HS2ST1: variants seen among roughly 807,000 people sequenced by gnomAD.
The protein encoded by HS2ST1 is 2-O-sulfotransferase.
Under a neutral mutation model 42.9 loss-of-function variants are expected in HS2ST1, and 18 were observed. The observed-to-expected ratio is 0.42, with a 90% confidence interval of 0.29 to 0.62. HS2ST1 has a LOEUF of 0.62. Among genes scored for constraint, HS2ST1 ranks in the 20% least tolerant of loss-of-function variants. The pLI, the probability that HS2ST1 is intolerant of heterozygous loss-of-function variation, is 0.21. For synonymous variants in HS2ST1, 146 were observed against 152.9 expected, an observed-to-expected ratio of 0.95 and a Z score of 0.33; for missense variants, 334 against 433.8, an observed-to-expected ratio of 0.77 and a Z score of 2.04.
At chr1:87,013,072 A>G (rs12090617) in intron 1 of HS2ST1, among the ~76,000 whole-genome samples, 5,251 of 152,246 alleles carry the variant, frequency 0.034, 184 homozygotes, top group African/African-American at 0.088. Context: ...CAGGTGCACA[A>G]TGCAAGCTGT....
chr1:87,002,699 T>G (rs1053786816), intron 1 of HS2ST1, among the ~76,000 whole-genome samples: 1 of 152,292 alleles, frequency 6.6e-6, no homozygotes, highest in East Asian at 1.9e-4. Flanking sequence ...AAAGTCTATT[T>G]TTTTCATTGC....
intron 1 of HS2ST1, among the ~76,000 whole-genome samples, chr1:87,032,911 A>G (rs889660347): frequency 6.6e-6 from 1 of 152,144 alleles, no homozygotes; most frequent in East Asian, 1.9e-4. Context: ...ACCATGTGTG[A>G]TTACTGTCCT....
chr1:87,013,658 C>A lies in HS2ST1; in HGVS notation c.125-59276C>A, dbSNP rs190278559. ...ATTTCTCCTCAGGAAATGGGTTTTT[C>A]TTTTCTATTGCATTGTCAGGCTGCT... On this transcript the variant is annotated intron_variant, in intron 1 of 6. Coordinates refer to ENST00000370550, the MANE Select transcript of HS2ST1 (RefSeq NM_012262.4). Among the ~76,000 whole-genome samples, 10 of 152,300 alleles carry A rather than the reference C, an allele frequency of 6.6e-5. No individual in the cohort carries two copies. In the East Asian group the frequency reaches 1.9e-3, roughly 29 times the overall value.
At chr1:86,922,654 T>G (rs905340657) in intron 1 of HS2ST1, among the ~76,000 whole-genome samples, 1 of 152,206 alleles carries the variant, frequency 6.6e-6, no homozygotes, top group Non-Finnish European at 1.5e-5. Flanking sequence ...AGATATTGCT[T>G]CATTGTCTTC....
intron 2 of HS2ST1, among the ~76,000 whole-genome samples, chr1:87,076,771 T>C (rs1183011975): frequency 6.6e-6 from 1 of 152,050 alleles, no homozygotes; most frequent in African/African-American, 2.4e-5. Context: ...ACATCTTTTA[T>C]GATTTTTCAA....
chr1:87,045,456 C>G (rs1557526367), intron 1 of HS2ST1: 3 of 1,156,314 alleles, frequency 2.6e-6, no homozygotes, highest in Non-Finnish European at 2.6e-6. Flanking sequence ...ACTACCTTGT[C>G]TCGTAAGGTG....
intron 1 of HS2ST1, among the ~76,000 whole-genome samples, chr1:87,020,414 G>A (rs1274719904): frequency 6.6e-6 from 1 of 152,172 alleles, no homozygotes. Flanking sequence ...ATGCAGTGCT[G>A]AAATGAATGG....
intron 1 of HS2ST1, among the ~76,000 whole-genome samples, chr1:86,955,760 G>A (rs753993237): frequency 5.9e-5 from 9 of 152,156 alleles, no homozygotes; most frequent in South Asian, 2.1e-4. Flanking sequence ...CAAGGTGGGC[G>A]GATTGCCTGA....
intron 2 of HS2ST1, among the ~76,000 whole-genome samples, chr1:87,082,657 T>TTA (rs1422729050): frequency 6.6e-6 from 1 of 152,198 alleles, no homozygotes; most frequent in Non-Finnish European, 1.5e-5. Context: ...TAAGTGGCAG[T>TTA]TATAAAGACT....
At chr1:86,944,703 T>A (rs1647279933) in intron 1 of HS2ST1, among the ~76,000 whole-genome samples, 1 of 152,176 alleles carries the variant, frequency 6.6e-6, no homozygotes, top group African/African-American at 2.4e-5. Flanking sequence ...GGAAATTTTA[T>A]TTTTAATGGT....
chr1:87,101,156 GTTTTTTTT>G (rs1162453464), intron 5 of HS2ST1, among the ~76,000 whole-genome samples: 12 of 91,148 alleles, frequency 1.3e-4, no homozygotes, highest in African/African-American at 4.9e-4. Flanking sequence ...TGTGTTTTTT[GTTTTTTTT>G]TTTTTTTTTT....
intron 1 of HS2ST1, among the ~76,000 whole-genome samples, chr1:87,038,300 A>AT (rs1208744968): frequency 6.6e-6 from 1 of 152,104 alleles, no homozygotes; most frequent in Non-Finnish European, 1.5e-5. Flanking sequence ...TGAAATAATT[A>AT]TTTTAAGTAC....
chr1:87,076,205 G>T (rs1366412833), intron 2 of HS2ST1, among the ~76,000 whole-genome samples: 2 of 152,236 alleles, frequency 1.3e-5, no homozygotes, highest in Middle Eastern at 3.4e-3. Context: ...AACCAAAAAA[G>T]TTGGAGGGAG....
chr1:87,096,558 C>T (rs1422191534), intron 4 of HS2ST1, among the ~76,000 whole-genome samples: 1 of 152,152 alleles, frequency 6.6e-6, no homozygotes, highest in Non-Finnish European at 1.5e-5. Context: ...ATTGGCCTAT[C>T]ACAGGATTTC....
chr1:86,945,311 A>G (rs540177625), intron 1 of HS2ST1, among the ~76,000 whole-genome samples: 1 of 152,332 alleles, frequency 6.6e-6, no homozygotes, highest in Non-Finnish European at 1.5e-5. Context: ...GGGAAGATGG[A>G]GAAAAGATCA....
intron 1 of HS2ST1, among the ~76,000 whole-genome samples, chr1:86,991,227 A>G (rs1286705043): frequency 1.3e-5 from 2 of 152,102 alleles, no homozygotes; most frequent in Non-Finnish European, 2.9e-5. Flanking sequence ...TGTTACAAAA[A>G]AAGACTTTAG....
At chr1:86,981,756 T>C (rs1040730541) in intron 1 of HS2ST1, among the ~76,000 whole-genome samples, 1 of 152,240 alleles carries the variant, frequency 6.6e-6, no homozygotes, top group Non-Finnish European at 1.5e-5. Context: ...GGGCTGGCAT[T>C]GAGTGCCTGC....
At chr1:86,954,423 G>T (rs890129081) in intron 1 of HS2ST1, among the ~76,000 whole-genome samples, 4 of 152,110 alleles carry the variant, frequency 2.6e-5, no homozygotes, top group Admixed American at 1.3e-4. Context: ...TTTGGTTTAG[G>T]TTCTTGAATT....
intron 1 of HS2ST1, among the ~76,000 whole-genome samples, chr1:87,063,219 C>T (rs1651161101): frequency 6.6e-6 from 1 of 152,138 alleles, no homozygotes; most frequent in Non-Finnish European, 1.5e-5. Flanking sequence ...TGTTTTCCCA[C>T]TGCTGTTAGG....
Sources: allele counts gnomAD v4.1 joint callset (sites outside exome capture counted in the v4.1 genomes callset), GRCh38; gene constraint gnomAD v4.1.1; transcripts MANE v1.5; gene names NCBI Gene and HGNC (gene_info 2026-07-23, HGNC 2026-07-21).